RBFOX3: variants seen among roughly 807,000 people sequenced by gnomAD.
RBFOX3 encodes RNA binding fox-1 homolog 3, also known as RNA binding protein fox-1 homolog 3.
In RBFOX3, 17 loss-of-function variants were observed where a neutral mutation model predicts 48.7. That is an observed-to-expected ratio of 0.35 (90% CI 0.24 to 0.52). RBFOX3 has a LOEUF of 0.52. Among genes scored for constraint, RBFOX3 ranks in the 20% least tolerant of loss-of-function variants. The pLI is 0.94. For missense variants in RBFOX3, 382 were observed against 497.5 expected (o/e 0.77, Z 2.21); for synonymous variants, 212 against 209.5 (o/e 1.01, Z -0.10).
At chr17:79,379,921 T>A (rs574655696) in intron 2 of RBFOX3, among the ~76,000 whole-genome samples, 1 of 152,232 alleles carries the variant, frequency 6.6e-6, no homozygotes, top group South Asian at 2.1e-4. Flanking sequence ...CTGCAGCTCC[T>A]CCTGCCGCGG....
intron 2 of RBFOX3, among the ~76,000 whole-genome samples, chr17:79,340,030 G>A (rs1270253419): frequency 2.6e-5 from 4 of 152,150 alleles, no homozygotes; most frequent in South Asian, 2.1e-4. Context: ...CGGGCACGGC[G>A]GCTCACACCT....
intron 1 of RBFOX3, among the ~76,000 whole-genome samples, chr17:79,591,362 C>T (rs996196944): frequency 0.024 from 3,698 of 152,270 alleles, 145 homozygotes; most frequent in African/African-American, 0.085. Flanking sequence ...CTCTAGATTT[C>T]CTGGGGACAG....
chr17:79,634,563 A>C, the RBFOX3 span, among the ~76,000 whole-genome samples: 3 of 152,170 alleles, frequency 2.0e-5, no homozygotes, highest in African/African-American at 7.2e-5. Flanking sequence ...CACCCACTGC[A>C]TGTCCGACTC....
In RBFOX3 at chr17:79,156,385, G is replaced by GCA. The variant is rs549296121; in HGVS notation, c.-33-40638_-33-40637insTG. On this transcript the variant is annotated intron_variant, in intron 4 of 14. Coordinates refer to ENST00000693108, the MANE Select transcript of RBFOX3 (RefSeq NM_001350451.2). ...CCAGAGGAAGAGCCCCTGGTTGGGAGGGTCCCCATTCCCAGGGACAGTGAC... is the reference window on the plus strand; with the variant it reads ...CCAGAGGAAGAGCCCCTGGTTGGGAGCAGGTCCCCATTCCCAGGGACAGTGAC... Among the ~76,000 whole-genome samples, 56 of 152,232 alleles carry GCA rather than the reference G, an allele frequency of 3.7e-4. No homozygotes were observed. In the East Asian group the frequency reaches 0.01, roughly 28 times the overall value.
chr17:79,135,447 G>A (rs546630681), intron 4 of RBFOX3, among the ~76,000 whole-genome samples: 1 of 152,326 alleles, frequency 6.6e-6, no homozygotes, highest in African/African-American at 2.4e-5. Context: ...GTTGCTCTGG[G>A]CTGGACACAG....
chr17:79,558,154 T>C (rs2091917411), intron 1 of RBFOX3, among the ~76,000 whole-genome samples: 1 of 152,076 alleles, frequency 6.6e-6, no homozygotes, highest in African/African-American at 2.4e-5. Flanking sequence ...GATTTGTGTT[T>C]TGTTCACTGT....
At chr17:79,222,096 A>G (rs772536169) in intron 4 of RBFOX3, among the ~76,000 whole-genome samples, 2 of 128,522 alleles carry the variant, frequency 1.6e-5, no homozygotes, top group Non-Finnish European at 3.2e-5. Flanking sequence ...ATTTCTACCC[A>G]TTGCCTGATT....
At chr17:79,141,647 A>T (rs982044292) in intron 4 of RBFOX3, among the ~76,000 whole-genome samples, 1 of 152,126 alleles carries the variant, frequency 6.6e-6, no homozygotes, top group African/African-American at 2.4e-5. Flanking sequence ...GGCAGGCTAG[A>T]GCTTGAGTCC....
At chr17:79,658,292 C>A in the RBFOX3 span, among the ~76,000 whole-genome samples, 1 of 148,508 alleles carries the variant, frequency 6.7e-6, no homozygotes, top group Non-Finnish European at 1.5e-5. Context: ...CCTCCTCCAC[C>A]CTTCCCTCTC....
At position 79,319,925 on chromosome 17, in the gene RBFOX3, TA is replaced by T. The variant is rs1354756575; in HGVS notation, c.-174-12102del. Among the ~76,000 whole-genome samples, 25 of 127,424 alleles carry T rather than the reference TA, an allele frequency of 2.0e-4. 5 individuals carry two copies. Among genetic ancestry groups the T allele is most frequent in the African/African-American group, 7.0e-4 (21 of 30,008 alleles). 83.6% of individuals were successfully genotyped at this position (127,424 alleles called of 152,430 possible). A position where few individuals can be genotyped will look rare whatever the true frequency, so the allele number is the denominator to read the frequency against. ...CTGGTCTATGTCTGGGCTGCTGGTC[TA>T]TGTCTGGGCTGTTGGTCTTGTCCAG... On this transcript the variant is annotated intron_variant, in intron 2 of 14. Coordinates refer to ENST00000693108, the MANE Select transcript of RBFOX3 (RefSeq NM_001350451.2).
At chr17:79,603,534 G>A (rs959410304) in intron 1 of RBFOX3, among the ~76,000 whole-genome samples, 24 of 152,210 alleles carry the variant, frequency 1.6e-4, no homozygotes, top group African/African-American at 5.1e-4. Context: ...ACCCAAGGGA[G>A]TGAGGGTCCC....
intron 4 of RBFOX3, among the ~76,000 whole-genome samples, chr17:79,193,516 T>C (rs1035093717): frequency 3.9e-5 from 6 of 152,336 alleles, no homozygotes; most frequent in African/African-American, 1.2e-4. Flanking sequence ...TTATTCCCCC[T>C]GCTCTGCCTC....
intron 3 of RBFOX3, among the ~76,000 whole-genome samples, chr17:79,303,021 T>G (rs11651119): frequency 0.33 from 49,658 of 151,732 alleles, 9,821 homozygotes; most frequent in East Asian, 0.47. Flanking sequence ...TTGGGCAACA[T>G]AGTGAGACCT....
At chr17:79,536,169 C>CA (rs71161674) in intron 1 of RBFOX3, among the ~76,000 whole-genome samples, 34,784 of 152,136 alleles carry the variant, frequency 0.23, 4,689 homozygotes, top group East Asian at 0.49. Flanking sequence ...CTCTGCCTTC[C>CA]AGGCTCAAGC....
chr17:79,097,174 C>G lies in RBFOX3; in HGVS notation c.755+118G>C, dbSNP rs1397722985. 102 of 272,442 alleles carry G rather than the reference C, an allele frequency of 3.7e-4. 1 individual carries two copies. In the South Asian group the frequency reaches 6.6e-3, roughly 18 times the overall value. 16.9% of individuals were successfully genotyped at this position (272,442 alleles called of 1,614,324 possible). A position where few individuals can be genotyped will look rare whatever the true frequency, so the allele number is the denominator to read the frequency against. ...TGAGTTCTGGGGCTCCCACGATCCT[C>G]CCCCCCCCCAGGTCTGGAAAGGCTG... On this transcript the variant is annotated intron_variant, in intron 11 of 14. Transcript: ENST00000693108.
intron 4 of RBFOX3, among the ~76,000 whole-genome samples, chr17:79,128,962 G>A (rs990901964): frequency 2.6e-5 from 4 of 152,194 alleles, no homozygotes; most frequent in African/African-American, 7.2e-5. Flanking sequence ...ACCTCTGGTG[G>A]TGCTTTGCCA....
chr17:79,134,879 G>A (rs143134259), intron 4 of RBFOX3, among the ~76,000 whole-genome samples: 3 of 152,254 alleles, frequency 2.0e-5, no homozygotes, highest in East Asian at 3.9e-4. Context: ...GGAAGAGCAC[G>A]GCGGGGCTGG....
chr17:79,143,636 C>T (rs1320856163), intron 4 of RBFOX3, among the ~76,000 whole-genome samples: 2 of 152,310 alleles, frequency 1.3e-5, no homozygotes, highest in East Asian at 1.9e-4. Flanking sequence ...CCCCTTCGCT[C>T]GGCACCAACG....
intron 1 of RBFOX3, among the ~76,000 whole-genome samples, chr17:79,588,255 C>G (rs908646390): frequency 2.6e-5 from 4 of 152,162 alleles, no homozygotes; most frequent in Non-Finnish European, 5.9e-5. Context: ...TTGAGCCTTA[C>G]GTGAGCCAGG....
Sources: gnomAD v4.1 joint callset for allele counts (sites outside exome capture counted in the v4.1 genomes callset) on GRCh38, gnomAD v4.1.1 for gene constraint, MANE v1.5 for transcripts, NCBI Gene and HGNC (gene_info 2026-07-23, HGNC 2026-07-21) for gene names.